Variants in PRCP observed in about 807,000 individuals in gnomAD.
PRCP encodes the protein lysosomal Pro-X carboxypeptidase.
A neutral mutation model predicts 54.2 loss-of-function variants in PRCP; 46 were observed. The observed-to-expected ratio is 0.85, with a 90% CI of 0.67 to 1.09. The LOEUF is 1.09. Ranked by LOEUF, PRCP falls within the 50% of genes least tolerant of loss-of-function variation. The pLI is 0.00. For missense variants in PRCP, 613 were observed against 596.8 expected (o/e 1.03, Z -0.28); for synonymous variants, 240 against 212.2 (o/e 1.13, Z -1.14).
intron 1 of PRCP, among the ~76,000 whole-genome samples, chr11:82,864,335 CTAGA>C (rs1859280545): frequency 6.6e-6 from 1 of 152,230 alleles, no homozygotes. Context: ...GGCTAGATAA[CTAGA>C]TAGTTTTCAA....
intron 2 of PRCP, 56 bp from the exon 3 acceptor site, chr11:82,853,334 GAACCTTTTGGCA>G: frequency 6.9e-7 from 1 of 1,456,062 alleles, no homozygotes; most frequent in Non-Finnish European, 9.5e-7. Flanking sequence ...AAAAGTCACT[GAACCTTTTGGCA>G]AACCATATGG....
chr11:82,872,131 C>A (rs1419213598), intron 1 of PRCP, among the ~76,000 whole-genome samples: 1 of 152,122 alleles, frequency 6.6e-6, no homozygotes, highest in East Asian at 1.9e-4. Context: ...ATAAATAAAA[C>A]TTTATCACAG....
chr11:82,833,510 T>G (rs1223544969), intron 8 of PRCP, among the ~76,000 whole-genome samples: 1 of 152,166 alleles, frequency 6.6e-6, no homozygotes, highest in African/African-American at 2.4e-5. Flanking sequence ...GTAAATTAGT[T>G]CAATCATTGT....
At chr11:82,833,850 T>C (rs1858452380) in intron 8 of PRCP, among the ~76,000 whole-genome samples, 1 of 152,112 alleles carries the variant, frequency 6.6e-6, no homozygotes, top group African/African-American at 2.4e-5. Flanking sequence ...TTTGTATAGC[T>C]CTTCTTGAAA....
At position 82,882,494 on chromosome 11, in the gene PRCP, CT is replaced by C. The variant is rs766453104; in HGVS notation, c.168+17740del. Among the ~76,000 whole-genome samples the C allele has an allele frequency of 1.8e-3, 233 of 127,806 alleles. 1 individual carries two copies. Among genetic ancestry groups the C allele is most frequent in the Middle Eastern group, 4.1e-3 (1 of 246 alleles). The allele number at this position is 127,806 out of a possible 152,430, so 83.8% of individuals were successfully genotyped here. On this transcript the variant is annotated intron_variant, in intron 1 of 8. Coordinates refer to ENST00000313010, the MANE Select transcript of PRCP (RefSeq NM_005040.4). ...GACCAAAGCTGATACTGAGCCAGTT[CT>C]TTTTTTTTTTTTTTTTTTGAGACGG... is the stretch of plus-strand genomic sequence containing the variant.
intron 1 of PRCP, among the ~76,000 whole-genome samples, chr11:82,899,029 G>A (rs750665629): frequency 1.3e-5 from 2 of 152,092 alleles, no homozygotes; most frequent in African/African-American, 2.4e-5. Context: ...TATTCTGGAA[G>A]TCTATGACAT....
intron 1 of PRCP, among the ~76,000 whole-genome samples, chr11:82,896,777 G>A (rs1860129382): frequency 6.6e-6 from 1 of 151,486 alleles, no homozygotes; most frequent in Admixed American, 6.6e-5. Context: ...TCTTCCCTGG[G>A]TTTCCAGCCT....
chr11:82,829,351 C>T (rs866176574), intron 8 of PRCP: 4 of 152,278 alleles, frequency 2.6e-5, no homozygotes, highest in African/African-American at 7.2e-5. Flanking sequence ...CTTACTAACT[C>T]CACTCCAGCC....
chr11:82,830,688 T>G (rs1464746420), intron 8 of PRCP: 2 of 150,546 alleles, frequency 1.3e-5, no homozygotes, highest in African/African-American at 4.9e-5. Context: ...TTTGGTTTTG[T>G]TAAAAACAAA....
intron 2 of PRCP, among the ~76,000 whole-genome samples, chr11:82,857,220 A>G (rs941477465): frequency 6.6e-6 from 1 of 152,216 alleles, no homozygotes; most frequent in African/African-American, 2.4e-5. Context: ...AATAAATAGT[A>G]GCACACAATG....
At chr11:82,836,476 C>T (rs944261031) in intron 8 of PRCP, 5 of 153,586 alleles carry the variant, frequency 3.3e-5, no homozygotes, top group African/African-American at 1.2e-4. Flanking sequence ...TAAACTATTA[C>T]ATCAACAGCC....
intron 6 of PRCP, among the ~76,000 whole-genome samples, chr11:82,842,470 A>T (rs1858696665): frequency 6.6e-6 from 1 of 152,216 alleles, no homozygotes; most frequent in Non-Finnish European, 1.5e-5. Context: ...ACCGACCAAC[A>T]TTAGAAAATC....
At chr11:82,844,748 AAAGAAAG>A (rs1158829509) in intron 6 of PRCP, among the ~76,000 whole-genome samples, 3 of 87,942 alleles carry the variant, frequency 3.4e-5, no homozygotes, top group Non-Finnish European at 7.5e-5. Context: ...AAAAAAAAAA[AAAGAAAG>A]AAAGAAAGAA....
Position 82,827,364 on chromosome 11 carries a change from GT to G in PRCP, c.1275-2243del, listed in dbSNP as rs1858261833. 4 of 152,194 alleles carry G rather than the reference GT, an allele frequency of 2.6e-5. No homozygotes were observed. In the East Asian group the frequency reaches 7.7e-4, roughly 29 times the overall value. The allele number at this position is 152,194 out of a possible 1,614,324, so 9.4% of individuals were successfully genotyped here. ...CACGGTCATGAAGATTTGTTCCTAT[GT>G]TTTCCTCTATGAGATTTATCATTTT... On this transcript the variant is annotated intron_variant, in intron 8 of 8. Coordinates refer to ENST00000313010, the MANE Select transcript of PRCP (RefSeq NM_005040.4).
At chr11:82,844,361 T>G (rs770007896) in intron 6 of PRCP, among the ~76,000 whole-genome samples, 37 of 152,168 alleles carry the variant, frequency 2.4e-4, no homozygotes, top group South Asian at 4.2e-4. Flanking sequence ...AGTTCAAGGC[T>G]GCAGTGAGCT....
At chr11:82,856,617 A>C (rs1644730504) in intron 2 of PRCP, among the ~76,000 whole-genome samples, 1 of 152,108 alleles carries the variant, frequency 6.6e-6, no homozygotes, top group Non-Finnish European at 1.5e-5. Flanking sequence ...TCATTCATAC[A>C]CCAAATCTGA....
chr11:82,849,683 G>A (rs964697552), intron 5 of PRCP, among the ~76,000 whole-genome samples: 1 of 152,206 alleles, frequency 6.6e-6, no homozygotes, highest in Non-Finnish European at 1.5e-5. Flanking sequence ...GGCACGAGGA[G>A]ATTTCTGAGA....
intron 6 of PRCP, chr11:82,843,063 A>G (rs1858713746): frequency 6.6e-6 from 1 of 152,494 alleles, no homozygotes; most frequent in Non-Finnish European, 1.5e-5. Context: ...TAATCCCAGC[A>G]CTTTGGGAGG....
Position 82,838,557 on chromosome 11 carries a change from G to A in PRCP, c.1104C>T (p.Val368=). Residue 368 remains valine (V), a synonymous_variant, in exon 8 of 9, where the codon GTC becomes GTT. Coordinates refer to ENST00000313010, the MANE Select transcript of PRCP (RefSeq NM_005040.4). ...CGACACCATTAGTACAAAAGGGCAT[G>A]ACTACTTCTGTGCAGGCCTAAGAAG... ...GWSYQACTEV[V]MPFCTNGVDD... is the part of the protein sequence containing the mutation. The A allele has an allele frequency of 1.2e-6, 2 of 1,613,624 alleles. No homozygotes were observed. The highest frequency in any genetic ancestry group is 1.7e-6 in the Non-Finnish European group (2 of 1,179,802).
Sources: allele counts gnomAD v4.1 joint callset (sites outside exome capture counted in the v4.1 genomes callset), GRCh38; gene constraint gnomAD v4.1.1; transcripts MANE v1.5; gene names NCBI Gene and HGNC (gene_info 2026-07-23, HGNC 2026-07-21).